The following OTOP1 variants were observed in gnomAD, a reference collection of about 807,000 sequenced individuals.
OTOP1 encodes the protein proton channel OTOP1.
Under a neutral mutation model 52.9 loss-of-function variants are expected in OTOP1, and 59 were observed. The observed-to-expected ratio is 1.12, with a 90% CI of 0.91 to 1.39. The LOEUF (loss-of-function observed/expected upper bound fraction) is 1.39. Ranked by LOEUF, OTOP1 falls within the 40% of genes most tolerant of loss-of-function variation. The probability of loss-of-function intolerance (pLI) is 0.00; values close to 1 mark genes in which losing one functional copy is unlikely to be tolerated. For synonymous variants in OTOP1, 317 were observed against 337.7 expected, an observed-to-expected ratio of 0.94 and a Z score of 0.67; for missense variants, 761 against 800.9, an observed-to-expected ratio of 0.95 and a Z score of 0.60.
intron 4 of OTOP1, among the ~76,000 whole-genome samples, chr4:4,199,838 G>A (rs2004586): frequency 0.67 from 102,154 of 152,100 alleles, 34,804 homozygotes; most frequent in African/African-American, 0.75. Context: ...ATCAGGTAGC[G>A]ACCAACTTTT....
At chr4:4,195,292 C>T (rs1347214781) in intron 5 of OTOP1, among the ~76,000 whole-genome samples, 1 of 152,220 alleles carries the variant, frequency 6.6e-6, no homozygotes, top group Non-Finnish European at 1.5e-5. Flanking sequence ...GTACCTCTGC[C>T]TGAAATGCTT....
rs375426806 is a variant in OTOP1, at chr4:4,192,526, A to G, written c.1669-3553T>C. ...CAATAGAAAACCAAAATATCTGCCT[A>G]CTGGGTTCATCCATTTGGATGCCAC... is the stretch of plus-strand genomic sequence containing the variant. On this transcript the variant is annotated intron_variant, in intron 5 of 5. Coordinates refer to ENST00000296358, the MANE Select transcript of OTOP1 (RefSeq NM_177998.3). Among the ~76,000 whole-genome samples, 225 of 152,342 alleles carry G rather than the reference A, an allele frequency of 1.5e-3. 6 individuals carry two copies. The South Asian group carries it at 0.044, about 30-fold the overall frequency.
Position 4,197,188 on chromosome 4 carries a change from A to G in OTOP1, c.1646T>C (p.Phe549Ser), listed in dbSNP as rs1383835377. The G allele has an allele frequency of 1.2e-6, 2 of 1,609,812 alleles. No individual in the cohort carries two copies. Among genetic ancestry groups the G allele is most frequent in the Non-Finnish European group, 1.7e-6 (2 of 1,177,466 alleles). ...KRKVLRNIAA[F>S]LFLCNISLWI... ...TACCGAAATATTGCAGAGGAACAAGAAGGCTGCAATATTCCTCAGGACTTT... is the reference window on the plus strand; with the variant it reads ...TACCGAAATATTGCAGAGGAACAAGGAGGCTGCAATATTCCTCAGGACTTT... Residue 549 changes from phenylalanine to serine, a missense_variant, in exon 5 of 6, where the codon TTC becomes TCC. Phe to Ser is a radical substitution (Grantham distance 155). Around this residue, in one of 3 missense-constraint regions of OTOP1, gnomAD observed 632 missense variants for 619.5 expected, o/e 1.02. Coordinates refer to ENST00000296358, the MANE Select transcript of OTOP1 (RefSeq NM_177998.3).
rs765421377 is a variant in OTOP1, at chr4:4,198,010, A to G, written c.824T>C (p.Ile275Thr). 14 of 1,613,986 alleles carry G rather than the reference A, an allele frequency of 8.7e-6. No individual in the cohort carries two copies. The highest frequency in any genetic ancestry group is 3.3e-4 in the Middle Eastern group (2 of 6,062). ...TGTGGAGGCCAGGATCTGATACTCT[A>G]TGTTGAAGGGGTAGAGGTAGTAGAT... ...HGIYYLYPFN[I>T]EYQILASTML... Residue 275 changes from isoleucine to threonine, a missense_variant, in exon 5 of 6, where the codon ATA (isoleucine) becomes ACA (threonine). Around this residue, in one of 3 missense-constraint regions of OTOP1, gnomAD observed 632 missense variants for 619.5 expected, o/e 1.02. Transcript: ENST00000296358.
intron 4 of OTOP1, among the ~76,000 whole-genome samples, chr4:4,199,775 A>C (rs891016126): frequency 5.9e-5 from 9 of 152,212 alleles, no homozygotes; most frequent in Admixed American, 2.0e-4. Context: ...AAGTAAGAAC[A>C]AACTGTGTAT....
chr4:4,214,626 G>C (rs1717097901), intron 1 of OTOP1, among the ~76,000 whole-genome samples: 1 of 152,088 alleles, frequency 6.6e-6, no homozygotes, highest in Admixed American at 6.5e-5. Context: ...AGTTTAAAAA[G>C]GAAAGAAATT....
chr4:4,216,956 C>T (rs1267070248), intron 1 of OTOP1, among the ~76,000 whole-genome samples: 1 of 152,216 alleles, frequency 6.6e-6, no homozygotes, highest in African/African-American at 2.4e-5. Context: ...TCCAGAGTTT[C>T]TGATTCAGCA....
At chr4:4,214,061 G>A (rs1417920747) in intron 1 of OTOP1, among the ~76,000 whole-genome samples, 1 of 152,170 alleles carries the variant, frequency 6.6e-6, no homozygotes, top group Non-Finnish European at 1.5e-5. Context: ...TTGCACTCCA[G>A]CCTGGGCAAC....
chr4:4,206,946 A>C (rs1433023610), intron 2 of OTOP1, among the ~76,000 whole-genome samples: 3 of 152,238 alleles, frequency 2.0e-5, no homozygotes, highest in African/African-American at 7.2e-5. Flanking sequence ...TTGGGCTTCT[A>C]AAATGTTTTG....
intron 1 of OTOP1, among the ~76,000 whole-genome samples, chr4:4,219,868 T>C (rs1717242345): frequency 6.8e-6 from 1 of 146,528 alleles, no homozygotes; most frequent in South Asian, 2.1e-4. Flanking sequence ...TATATATGTA[T>C]ACATATATGT....
At chr4:4,203,625 T>C (rs1274397978) in intron 3 of OTOP1, among the ~76,000 whole-genome samples, 1 of 152,218 alleles carries the variant, frequency 6.6e-6, no homozygotes, top group African/African-American at 2.4e-5. Flanking sequence ...GTCACTGATT[T>C]CTTCAAATAC....
At chr4:4,207,329 C>A (rs1174204254) in intron 2 of OTOP1, among the ~76,000 whole-genome samples, 1 of 152,122 alleles carries the variant, frequency 6.6e-6, no homozygotes, top group Non-Finnish European at 1.5e-5. Flanking sequence ...AAACTACCTA[C>A]CAACATTGAA....
rs1716672456 is a variant in OTOP1, at chr4:4,197,628, C to A, written c.1206G>T (p.Trp402Cys). Reference sequence around the variant, plus strand: ...CCAAGATTGAGCCCCAGGAGATAAGCCAGGAGCCCGAGGCAGTGCCCACCA... The same window carrying A: ...CCAAGATTGAGCCCCAGGAGATAAGACAGGAGCCCGAGGCAGTGCCCACCA... ...DLLVGTASGS[W>C]LISWGSILAI... is the part of the protein sequence containing the mutation. The change falls in exon 5 of 6, where the codon TGG becomes TGT. Residue 402 changes from tryptophan (W) to cysteine (C), a missense_variant. By Grantham distance (215) the Trp-to-Cys change is radical (BLOSUM62 -2). Transcript: ENST00000296358. 1.9e-6 allele frequency: 3 copies of A among 1,613,834 alleles called. No individual in the cohort carries two copies. The highest frequency in any genetic ancestry group is 2.5e-6 in the Non-Finnish European group (3 of 1,179,986).
intron 5 of OTOP1, 120 bp downstream of exon 5, chr4:4,197,046 G>T (rs1716649909): frequency 4.6e-6 from 5 of 1,085,750 alleles, no homozygotes; most frequent in South Asian, 1.6e-5. Flanking sequence ...GATCATTTGT[G>T]CACCAAACCT....
chr4:4,225,471 A>C (rs1285803271), intron 1 of OTOP1, among the ~76,000 whole-genome samples: 1 of 150,432 alleles, frequency 6.6e-6, no homozygotes, highest in Middle Eastern at 3.2e-3. Context: ...CAGGAGGCTG[A>C]AGTGGGAGGA....
chr4:4,223,098 T>G (rs1717336292), intron 1 of OTOP1, among the ~76,000 whole-genome samples: 1 of 152,182 alleles, frequency 6.6e-6, no homozygotes, highest in African/African-American at 2.4e-5. Context: ...ATTACATTAT[T>G]ATGGGGCAAC....
chr4:4,204,612 G>A (rs1716856371), intron 3 of OTOP1, among the ~76,000 whole-genome samples: 1 of 152,054 alleles, frequency 6.6e-6, no homozygotes, highest in African/African-American at 2.4e-5. Flanking sequence ...ATTTTCTCAT[G>A]CCAGGCTGCC....
chr4:4,225,634 A>C (rs574357234), intron 1 of OTOP1, among the ~76,000 whole-genome samples: 1 of 150,758 alleles, frequency 6.6e-6, no homozygotes, highest in African/African-American at 2.4e-5. Flanking sequence ...AATTTCAGCC[A>C]ATGCCTGTGA....
intron 4 of OTOP1, among the ~76,000 whole-genome samples, chr4:4,199,312 A>C (rs1457209386): frequency 6.7e-6 from 1 of 149,912 alleles, no homozygotes; most frequent in Non-Finnish European, 1.5e-5. Flanking sequence ...GAAATTGTTA[A>C]GTAAATTTTA....
Sources: gnomAD v4.1 joint callset for allele counts (sites outside exome capture counted in the v4.1 genomes callset) on GRCh38, gnomAD v4.1.1 for gene constraint, gnomAD v4.1.1 regional missense constraint, MANE v1.5 for transcripts, NCBI Gene and HGNC (gene_info 2026-07-23, HGNC 2026-07-21) for gene names.